The following SPOCK1 variants were observed in gnomAD, a reference collection of about 807,000 sequenced individuals.
SPOCK1 encodes the protein testican-1.
Under a neutral mutation model 55.3 loss-of-function variants are expected in SPOCK1, and 23 were observed. The ratio of observed to expected loss-of-function variants is 0.42; its 90% confidence interval spans 0.30 to 0.59. SPOCK1 has a LOEUF of 0.59. Among genes scored for constraint, SPOCK1 ranks in the 20% least tolerant of loss-of-function variants. The pLI is 0.22. For missense variants in SPOCK1, 499 were observed against 552.5 expected (o/e 0.90, Z 0.97); for synonymous variants, 226 against 221.0 (o/e 1.02, Z -0.20).
intron 2 of SPOCK1, among the ~76,000 whole-genome samples, chr5:137,379,849 A>G (rs1239969162): frequency 1.3e-5 from 2 of 152,094 alleles, no homozygotes; most frequent in East Asian, 3.8e-4. Flanking sequence ...AAGTCCAAAT[A>G]AACTCATCTC....
chr5:137,451,880 A>G (rs1753261367), intron 2 of SPOCK1, among the ~76,000 whole-genome samples: 1 of 152,240 alleles, frequency 6.6e-6, no homozygotes, highest in South Asian at 2.1e-4. Context: ...AGTTCTACAA[A>G]TTAGGGTAAT....
chr5:137,218,744 T>C (rs1272263987), intron 3 of SPOCK1, among the ~76,000 whole-genome samples: 1 of 152,180 alleles, frequency 6.6e-6, no homozygotes, highest in African/African-American at 2.4e-5. Context: ...AGTCAGATTC[T>C]TCCCCTACAT....
intron 6 of SPOCK1, among the ~76,000 whole-genome samples, chr5:136,996,643 T>G (rs1379108067): frequency 6.6e-6 from 1 of 152,124 alleles, no homozygotes; most frequent in Non-Finnish European, 1.5e-5. Context: ...TCAGAGAACT[T>G]TTCTGTCTTA....
At chr5:137,176,816 A>G (rs1334021604) in intron 3 of SPOCK1, among the ~76,000 whole-genome samples, 1 of 152,182 alleles carries the variant, frequency 6.6e-6, no homozygotes, top group Non-Finnish European at 1.5e-5. Flanking sequence ...ATGCAGCATC[A>G]ATTGATGCCA....
Position 137,243,252 on chromosome 5 carries a change from G to A in SPOCK1, c.232+23758C>T, listed in dbSNP as rs1007600247. 2.6e-5 allele frequency among the ~76,000 whole-genome samples: 4 copies of A among 152,240 alleles called. No individual in the cohort carries two copies. In the South Asian group the frequency reaches 8.3e-4, roughly 32 times the overall value. ...GCTAATACCTGGGGAAAAGCACGCT[G>A]AGGCCTTAAGATGCCCATAATCGGC... is the stretch of plus-strand genomic sequence containing the variant. On this transcript the variant is annotated intron_variant, in intron 3 of 10. Coordinates refer to ENST00000394945, the MANE Select transcript of SPOCK1 (RefSeq NM_004598.4).
intron 5 of SPOCK1, among the ~76,000 whole-genome samples, chr5:137,078,551 T>C (rs991373638): frequency 1.3e-5 from 2 of 152,116 alleles, no homozygotes; most frequent in Non-Finnish European, 2.9e-5. Flanking sequence ...ACAAACCTAG[T>C]AGGGAATCTG....
At chr5:137,025,528 T>C (rs1751658861) in intron 6 of SPOCK1, among the ~76,000 whole-genome samples, 1 of 152,172 alleles carries the variant, frequency 6.6e-6, no homozygotes, top group South Asian at 2.1e-4. Flanking sequence ...TACACAATGG[T>C]AAATAAAACA....
At chr5:137,232,076 G>A (rs1756074412) in intron 3 of SPOCK1, among the ~76,000 whole-genome samples, 1 of 152,078 alleles carries the variant, frequency 6.6e-6, no homozygotes, top group African/African-American at 2.4e-5. Flanking sequence ...AGTTTTAAGA[G>A]TTCTTTACAT....
chr5:137,076,930 A>T (rs989636175), intron 5 of SPOCK1, among the ~76,000 whole-genome samples: 4 of 149,164 alleles, frequency 2.7e-5, no homozygotes, highest in South Asian at 2.1e-4. Flanking sequence ...CAGATTTAAA[A>T]TTTTTTTTTT....
rs575812247 is a variant in SPOCK1 at position 137,149,020 on chromosome 5, T to G, written c.233-8326A>C. ...AAAAAAAAGATTGAGCTATCAGAAA[T>G]CAAAGCCAAATTGCTGGCTATCTTA... is the stretch of plus-strand genomic sequence containing the variant. On this transcript the variant is annotated intron_variant, in intron 3 of 10. Transcript: ENST00000394945. Among the ~76,000 whole-genome samples, 5 of 152,290 alleles carry G rather than the reference T, an allele frequency of 3.3e-5. No individual in the cohort carries two copies. In the South Asian group the frequency reaches 1.0e-3, roughly 32 times the overall value.
At chr5:137,409,173 C>G (rs188582770) in intron 2 of SPOCK1, among the ~76,000 whole-genome samples, 1 of 152,308 alleles carries the variant, frequency 6.6e-6, no homozygotes, top group East Asian at 1.9e-4. Context: ...GTCCCCACCT[C>G]CCCATCCTCA....
intron 2 of SPOCK1, among the ~76,000 whole-genome samples, chr5:137,349,460 G>A (rs10491304): frequency 6.6e-6 from 1 of 152,180 alleles, no homozygotes; most frequent in Non-Finnish European, 1.5e-5. Flanking sequence ...CAGGACTAGA[G>A]GCGGAAGATC....
At chr5:137,332,213 A>C in intron 2 of SPOCK1, among the ~76,000 whole-genome samples, 4 of 147,556 alleles carry the variant, frequency 2.7e-5, no homozygotes, top group African/African-American at 7.6e-5. Context: ...CTGTCTCGAC[A>C]CTCCCCCCCA....
At chr5:137,129,120 T>C (rs1030554278) in intron 4 of SPOCK1, among the ~76,000 whole-genome samples, 4 of 152,208 alleles carry the variant, frequency 2.6e-5, no homozygotes, top group African/African-American at 9.7e-5. Context: ...GTCCTCATGG[T>C]CTTCAGGGTG....
In SPOCK1 at chr5:137,110,288, T is replaced by C. The variant is rs546994874; in HGVS notation, c.474+2147A>G. 1.1e-4 allele frequency among the ~76,000 whole-genome samples: 17 copies of C among 152,358 alleles called. No individual in the cohort carries two copies. The South Asian group carries it at 3.3e-3, about 30-fold the overall frequency. On this transcript the variant is annotated intron_variant, in intron 5 of 10. Transcript: ENST00000394945. ...AGGGAGACCTATTAGAAGGGTTCTATAAACACTGATATCCTTGCTACTAAA... is the reference window on the plus strand; with the variant it reads ...AGGGAGACCTATTAGAAGGGTTCTACAAACACTGATATCCTTGCTACTAAA...
intron 3 of SPOCK1, among the ~76,000 whole-genome samples, chr5:137,144,152 C>T (rs1754149555): frequency 6.6e-6 from 1 of 152,010 alleles, no homozygotes; most frequent in African/African-American, 2.4e-5. Flanking sequence ...GGCTGGGGTG[C>T]CCAGCTCTGG....
intron 2 of SPOCK1, among the ~76,000 whole-genome samples, chr5:137,329,735 C>T (rs1410029419): frequency 6.6e-6 from 1 of 152,172 alleles, no homozygotes; most frequent in Non-Finnish European, 1.5e-5. Flanking sequence ...CTCTAATGCA[C>T]CACATCCCTT....
At chr5:137,197,453 G>A (rs1755322179) in intron 3 of SPOCK1, among the ~76,000 whole-genome samples, 1 of 152,134 alleles carries the variant, frequency 6.6e-6, no homozygotes, top group South Asian at 2.1e-4. Context: ...GTTTTCCCAT[G>A]CACAACAAGG....
chr5:137,134,049 C>T (rs1753934348), intron 4 of SPOCK1, among the ~76,000 whole-genome samples: 1 of 152,114 alleles, frequency 6.6e-6, no homozygotes, highest in Non-Finnish European at 1.5e-5. Flanking sequence ...GCAGAGGAGG[C>T]TGTGCAGCAT....
Sources: gnomAD v4.1 joint callset for allele counts (sites outside exome capture counted in the v4.1 genomes callset) on GRCh38, gnomAD v4.1.1 for gene constraint, MANE v1.5 for transcripts, NCBI Gene and HGNC (gene_info 2026-07-23, HGNC 2026-07-21) for gene names.